The following MAN2C1 variants were observed in gnomAD, a reference collection of about 807,000 sequenced individuals.
The protein encoded by MAN2C1 is mannosidase alpha class 2C member 1, also known as alpha-mannosidase 2C1.
Under a neutral mutation model 126.9 loss-of-function variants are expected in MAN2C1, and 111 were observed. The ratio of observed to expected loss-of-function variants is 0.87; its 90% CI spans 0.75 to 1.02. The LOEUF is 1.02. MAN2C1 is among the 50% of genes least tolerant of loss of function. MAN2C1 has a pLI of 0.00. For synonymous variants in MAN2C1, 567 were observed against 561.5 expected (o/e 1.01, Z -0.14); for missense variants, 1,363 against 1,364.4 (o/e 1.00, Z 0.02).
chr15:75,356,241 G>A lies in MAN2C1; in HGVS notation c.2887-22C>T. On this transcript the variant is annotated intron_variant, in intron 24 of 25. Coordinates refer to ENST00000267978, the MANE Select transcript of MAN2C1 (RefSeq NM_006715.4). The surrounding 1 kb of genome is among the most constrained non-coding windows in gnomAD (Gnocchi z 5.8). ...CCGCCTGCAGAGGAACACGTCTGGT[G>A]GGAGGGGCCGAGGGCAGGCCCAGTT... The A allele has an allele frequency of 1.9e-6, 3 of 1,612,424 alleles. No homozygotes were observed. Among genetic ancestry groups the A allele is most frequent in the Non-Finnish European group, 2.5e-6 (3 of 1,179,486 alleles).
chr15:75,367,606 G>C lies in MAN2C1; in HGVS notation c.256C>G (p.Leu86Val). 6.2e-7 allele frequency: 1 copy of C among 1,614,186 alleles called. No homozygotes were observed. The highest frequency in any genetic ancestry group is 1.3e-5 in the African/African-American group (1 of 75,054). Residue 86 changes from leucine (L) to valine (V), a missense_variant, in exon 3 of 26, where the codon CTG (leucine) becomes GTG (valine). By Grantham distance (32) the Leu-to-Val change is conservative. Around this residue, in one of 3 missense-constraint regions of MAN2C1, gnomAD observed 628 missense variants for 609.8 expected, o/e 1.03. Coordinates refer to ENST00000267978, the MANE Select transcript of MAN2C1 (RefSeq NM_006715.4). ...TWWTCWFRVE[L>V]TIPEAWVGQE... ...CCCACCCATGCCTCTGGGATGGTCA[G>C]CTCCACCCGGAACCAGCAGGTCCAC... is the stretch of plus-strand genomic sequence containing the variant.
chr15:75,358,404 TG>T (rs2072385018), intron 20 of MAN2C1, 57 bp downstream of exon 20: 1 of 1,613,142 alleles, frequency 6.2e-7, no homozygotes. Flanking sequence ...GGCCTGGGGC[TG>T]GCCCCTCCTT....
chr15:75,368,433 T>G (rs774247229), intron 1 of MAN2C1, 50 bp downstream of exon 1: 3 of 1,519,790 alleles, frequency 2.0e-6, no homozygotes, highest in Non-Finnish European at 2.7e-6. Context: ...GAAGGAAAGC[T>G]TGAGGCGCAC....
chr15:75,365,767 C>A (rs967715424), intron 4 of MAN2C1: 1 of 191,258 alleles, frequency 5.2e-6, no homozygotes, highest in Non-Finnish European at 1.1e-5. Context: ...ACAAAAAAAA[C>A]TATGCCGGAA....
intron 21 of MAN2C1, chr15:75,357,595 A>G (rs1289154863): frequency 7.3e-6 from 1 of 137,062 alleles, no homozygotes; most frequent in Non-Finnish European, 1.6e-5. Flanking sequence ...GCCTGAGAAC[A>G]CTGCGCCTGG....
At chr15:75,365,570 C>A in intron 4 of MAN2C1, 1 of 174,874 alleles carries the variant, frequency 5.7e-6, no homozygotes. Flanking sequence ...ACTAAAAATA[C>A]AAAAAATTAG....
At chr15:75,360,877 T>G in intron 12 of MAN2C1, 169 bp downstream of exon 12, 1 of 1,173,612 alleles carries the variant, frequency 8.5e-7, no homozygotes, top group Non-Finnish European at 1.2e-6. Flanking sequence ...CTTACCAGCT[T>G]CAGCTTCTCC....
chr15:75,366,958 C>T (rs1033805912), intron 3 of MAN2C1, among the ~76,000 whole-genome samples: 2 of 152,034 alleles, frequency 1.3e-5, no homozygotes, highest in Admixed American at 6.6e-5. Flanking sequence ...CCTGCTACAC[C>T]CTAGTGCTTA....
Position 75,359,079 on chromosome 15 carries a change from C to T in MAN2C1, c.2121G>A (p.Leu707=). The part of the protein sequence containing the change: ...KLDPTGRLTS[L]VLVASGREAI... ...GGCACCTGCCAGAGGCCACCAGGAC[C>T]AAGGACGTCAGGCGACCAGTTGGGT... Residue 707 remains leucine (L), a synonymous_variant, in exon 18 of 26, where the codon TTG becomes TTA. Transcript: ENST00000267978. The T allele has an allele frequency of 6.2e-7, 1 of 1,613,982 alleles. No individual in the cohort carries two copies. Among genetic ancestry groups the T allele is most frequent in the Non-Finnish European group, 8.5e-7 (1 of 1,179,994 alleles).
At position 75,362,347 on chromosome 15, in the gene MAN2C1, T is replaced by G. The variant is rs1555436424; in HGVS notation, c.1004A>C (p.Glu335Ala). 3.7e-6 allele frequency: 6 copies of G among 1,613,636 alleles called. No individual in the cohort carries two copies. The highest frequency in any genetic ancestry group is 5.1e-6 in the Non-Finnish European group (6 of 1,179,830). ...AGGAGTGCCCAGTGCACTTACCATCTCCACCCAGGTGCCCCCCACAGGCAC... is the reference window on the plus strand; with the variant it reads ...AGGAGTGCCCAGTGCACTTACCATCGCCACCCAGGTGCCCCCCACAGGCAC... ...QFVPVGGTWV[E>A]MDGNLPSGEA... is the part of the protein sequence containing the mutation. The change falls in exon 8 of 26, where the codon GAG becomes GCG. Residue 335 changes from glutamate to alanine, a missense_variant. Coordinates refer to ENST00000267978, the MANE Select transcript of MAN2C1 (RefSeq NM_006715.4). This position sits in a 1 kb window ranked among gnomAD's most constrained non-coding sequence, Gnocchi z 4.5.
At position 75,368,053 on chromosome 15, in the gene MAN2C1, A is replaced by C. The variant is rs1567289921; in HGVS notation, c.227+20T>G. The C allele has an allele frequency of 1.3e-6, 2 of 1,594,950 alleles. No individual in the cohort carries two copies. Among genetic ancestry groups the C allele is most frequent in the Admixed American group, 3.4e-5 (2 of 58,054 alleles). On this transcript the variant is annotated intron_variant, in intron 2 of 25. Transcript: ENST00000267978. The stretch of plus-strand genomic sequence containing the variant: ...TTCCCCTAGGCCTGTGGCCCCGCCC[A>C]CCCGCTGGGCGTTACCTACGTGGGT...
chr15:75,367,418 A>C, intron 3 of MAN2C1, 93 bp downstream of exon 3: 1 of 1,499,034 alleles, frequency 6.7e-7, no homozygotes, highest in Non-Finnish European at 9.0e-7. Context: ...AGAGCAACTC[A>C]GCTGTGGCTT....
Position 75,362,542 on chromosome 15 carries a change from G to C in MAN2C1, c.898-89C>G. 6.6e-7 allele frequency: 1 copy of C among 1,514,712 alleles called. No individual in the cohort carries two copies. The highest frequency in any genetic ancestry group is 9.1e-7 in the Non-Finnish European group (1 of 1,104,016). The allele number at this position is 1,514,712 out of a possible 1,614,324, so 93.8% of individuals were successfully genotyped here. ...TGGGACTCAGTGTGTGGCTGAGGGT[G>C]AGGAGCAGCCCTGACCCCAGGCCTG... On this transcript the variant is annotated intron_variant, in intron 7 of 25. Coordinates refer to ENST00000267978, the MANE Select transcript of MAN2C1 (RefSeq NM_006715.4). The surrounding 1 kb of genome is among the most constrained non-coding windows in gnomAD (Gnocchi z 4.5).
rs770721304 is a variant in MAN2C1 at position 75,356,044 on chromosome 15, G to A, written c.2997-12C>T. ...CCAAGAGATCGCAGCTGGAGAACAG[G>A]AGGGGCCATGAAGGCTCTGCGAGGG... is the stretch of plus-strand genomic sequence containing the variant. On this transcript the variant is annotated splice_polypyrimidine_tract_variant and intron_variant, in intron 25 of 25. Transcript: ENST00000267978. This position sits in a 1 kb window ranked among gnomAD's most constrained non-coding sequence, Gnocchi z 5.8. 1 of 1,613,938 alleles carries A rather than the reference G, an allele frequency of 6.2e-7. No homozygotes were observed. Among genetic ancestry groups the A allele is most frequent in the Non-Finnish European group, 8.5e-7 (1 of 1,179,902 alleles).
At chr15:75,358,398 T>G in intron 20 of MAN2C1, 54 bp from the exon 21 acceptor site, 2 of 1,613,366 alleles carry the variant, frequency 1.2e-6, no homozygotes, top group Non-Finnish European at 1.7e-6. Context: ...CACCAAGGCC[T>G]GGGGCTGGCC....
chr15:75,361,742 G>C lies in MAN2C1; in HGVS notation c.1102-22C>G. On this transcript the variant is annotated intron_variant, in intron 9 of 25. Coordinates refer to ENST00000267978, the MANE Select transcript of MAN2C1 (RefSeq NM_006715.4). This position sits in a 1 kb window ranked among gnomAD's most constrained non-coding sequence, Gnocchi z 5.0. ...AGAACTGTGGAGAAAGAGGATCCTG[G>C]AGTGCAGGAACCAGAGCTCCAGGCG... is the stretch of plus-strand genomic sequence containing the variant. The C allele has an allele frequency of 6.2e-7, 1 of 1,604,734 alleles. No homozygotes were observed. The highest frequency in any genetic ancestry group is 8.5e-7 in the Non-Finnish European group (1 of 1,171,556).
At chr15:75,368,259 G>C in intron 1 of MAN2C1, 61 bp from the exon 2 acceptor site, 1 of 1,535,470 alleles carries the variant, frequency 6.5e-7, no homozygotes. Context: ...CTGGGGGCCA[G>C]CTGGCCGGTG....
In MAN2C1 at chr15:75,356,680, C is replaced by A; in HGVS notation, c.2663G>T (p.Arg888Leu). The change falls in exon 23 of 26, where the codon CGG becomes CTG. Residue 888 changes from arginine (R) to leucine (L), a missense_variant. Arg to Leu is a moderately radical substitution (Grantham distance 102). Coordinates refer to ENST00000267978, the MANE Select transcript of MAN2C1 (RefSeq NM_006715.4). The surrounding 1 kb of genome is among the most constrained non-coding windows in gnomAD (Gnocchi z 5.8). Reference sequence around the variant, plus strand: ...AGTAGCGTCCGGGGCTTTAGGCGCCCGCAAGCTGGGGTGAGGAGGGCGCGT... The same window carrying A: ...AGTAGCGTCCGGGGCTTTAGGCGCCAGCAAGCTGGGGTGAGGAGGGCGCGT... ...RGSILSLSLL[R>L]APKAPDATAD... The A allele has an allele frequency of 1.3e-6, 2 of 1,594,818 alleles. No homozygotes were observed. Among genetic ancestry groups the A allele is most frequent in the East Asian group, 4.6e-5 (2 of 43,724 alleles).
chr15:75,360,138 C>T lies in MAN2C1; in HGVS notation c.1658G>A (p.Arg553His), dbSNP rs143512696. The change falls in exon 14 of 26, where the codon CGC becomes CAC. Residue 553 changes from arginine to histidine, a missense_variant. This residue lies in a region of MAN2C1 where 668 missense variants were observed against 650.1 expected (regional missense o/e 1.03). Coordinates refer to ENST00000267978, the MANE Select transcript of MAN2C1 (RefSeq NM_006715.4). Reference sequence around the variant, plus strand: ...TGCTGGGTATAGGAACTGGGCACTGCGGGCCAGGGCCAGGCTACTGAGCAG... The same window carrying T: ...TGCTGGGTATAGGAACTGGGCACTGTGGGCCAGGGCCAGGCTACTGAGCAG... ...VELLSSLALA[R>H]SAQFLYPAAQ... 418 of 1,613,666 alleles carry T rather than the reference C, an allele frequency of 2.6e-4. 1 individual carries two copies. The African/African-American group carries it at 4.7e-3, about 18-fold the overall frequency.
Sources: allele counts gnomAD v4.1 joint callset (sites outside exome capture counted in the v4.1 genomes callset), GRCh38; gene constraint gnomAD v4.1.1; regional missense constraint gnomAD v4.1.1; non-coding constraint Gnocchi (gnomAD v3.1); transcripts MANE v1.5; gene names NCBI Gene and HGNC (gene_info 2026-07-23, HGNC 2026-07-21).